ANXA2: variants seen among roughly 807,000 people sequenced by gnomAD.
ANXA2 encodes annexin A2.
A neutral mutation model predicts 47.3 loss-of-function variants in ANXA2; 28 were observed. The ratio of observed to expected loss-of-function variants is 0.59; its 90% confidence interval spans 0.44 to 0.81. The LOEUF (loss-of-function observed/expected upper bound fraction) is 0.81, where lower values mean the gene tolerates loss of function less well. ANXA2 is among the 40% of genes least tolerant of loss of function. ANXA2 has a pLI of 0.00. For missense variants in ANXA2, 384 were observed against 414.3 expected (o/e 0.93, Z 0.64); for synonymous variants, 172 against 155.5 (o/e 1.11, Z -0.79).
At chr15:60,382,278 T>G in intron 3 of ANXA2, 64 bp downstream of exon 3, 1 of 1,302,644 alleles carries the variant, frequency 7.7e-7, no homozygotes, top group East Asian at 2.3e-5. Context: ...TGAGGGAGAA[T>G]AAAGAGACAA....
chr15:60,374,442 C>T (rs1208795828), intron 3 of ANXA2: 1 of 456,046 alleles, frequency 2.2e-6, no homozygotes, highest in Admixed American at 2.3e-5. Flanking sequence ...CGCAGCCACC[C>T]TTAACTCACT....
chr15:60,390,347 C>A, intron 1 of ANXA2: 1 of 821,174 alleles, frequency 1.2e-6, no homozygotes, highest in Non-Finnish European at 1.6e-6. Flanking sequence ...ACTTTCCTCC[C>A]ATGCCGATAG....
chr15:60,385,064 A>G (rs941510327), intron 2 of ANXA2, among the ~76,000 whole-genome samples: 6 of 152,224 alleles, frequency 3.9e-5, no homozygotes, highest in African/African-American at 1.4e-4. Flanking sequence ...TAAATTTTTT[A>G]TTTGTAAAAA....
chr15:60,361,791 T>C (rs969506683), intron 4 of ANXA2, among the ~76,000 whole-genome samples: 2 of 152,164 alleles, frequency 1.3e-5, no homozygotes, highest in Admixed American at 1.3e-4. Context: ...CACCCATGTA[T>C]GTAGACAGAC....
At chr15:60,395,594 C>T (rs774711499) in intron 1 of ANXA2, 1 of 152,162 alleles carries the variant, frequency 6.6e-6, no homozygotes, top group Non-Finnish European at 1.5e-5. Context: ...GCCAGGAAAA[C>T]TACTTAAATC....
At chr15:60,347,944 C>T (rs1895800056) in intron 12 of ANXA2, among the ~76,000 whole-genome samples, 1 of 152,166 alleles carries the variant, frequency 6.6e-6, no homozygotes, top group South Asian at 2.1e-4. Context: ...GGAGGGAGTG[C>T]AAGGTGCTGA....
intron 12 of ANXA2, among the ~76,000 whole-genome samples, 189 bp from the exon 13 acceptor site, chr15:60,347,878 G>A (rs1277836052): frequency 1.3e-5 from 2 of 152,238 alleles, no homozygotes; most frequent in African/African-American, 2.4e-5. Flanking sequence ...GCCTCCAGGA[G>A]TGTGGTCGGA....
intron 2 of ANXA2, 55 bp downstream of exon 2, chr15:60,385,973 T>C: frequency 1.7e-6 from 2 of 1,182,668 alleles, no homozygotes; most frequent in Non-Finnish European, 2.5e-6. Context: ...AATATGGTTA[T>C]CCAGAGAGAT....
intron 3 of ANXA2, among the ~76,000 whole-genome samples, chr15:60,369,644 C>T (rs995822801): frequency 4.6e-5 from 7 of 152,210 alleles, no homozygotes; most frequent in Non-Finnish European, 1.0e-4. Flanking sequence ...GTCCCTTAGG[C>T]TGCACCTGAG....
Position 60,351,754 on chromosome 15 carries a change from C to A in ANXA2, c.748G>T (p.Gly250Ter). The A allele has an allele frequency of 6.2e-7, 1 of 1,613,672 alleles. No individual in the cohort carries two copies. Among genetic ancestry groups the A allele is most frequent in the Non-Finnish European group, 8.5e-7 (1 of 1,179,572 alleles). Residue 250 changes from glycine to a stop codon, truncating the protein, a stop_gained, in exon 10 of 13, where the codon GGA becomes TGA. Coordinates refer to ENST00000451270, the MANE Select transcript of ANXA2 (RefSeq NM_004039.3). LOFTEE classifies it high-confidence loss of function. ...TTCAGGAAAGCATTTTCCAGGTCTCCTTTAACCTCTTTCCTGATGCTTTCC... is the reference window on the plus strand; with the variant it reads ...TTCAGGAAAGCATTTTCCAGGTCTCATTTAACCTCTTTCCTGATGCTTTCC... Reference protein sequence around the residue: ...MLESIRKEVKGDLENAFLNLV... With the variant: ...MLESIRKEVK
At chr15:60,354,552 C>T (rs1277528357) in intron 7 of ANXA2, among the ~76,000 whole-genome samples, 1 of 148,034 alleles carries the variant, frequency 6.8e-6, no homozygotes. Flanking sequence ...ATCGCTTGAA[C>T]CAGGTTGCTG....
At chr15:60,355,877 T>G in intron 7 of ANXA2, 42 bp downstream of exon 7, 3 of 1,510,274 alleles carry the variant, frequency 2.0e-6, no homozygotes, top group Non-Finnish European at 2.8e-6. Flanking sequence ...GTGACTTGCC[T>G]TGGGAGGAAG....
intron 2 of ANXA2, 169 bp from the exon 3 acceptor site, chr15:60,382,610 C>T (rs2062878194): frequency 4.3e-6 from 2 of 468,150 alleles, no homozygotes; most frequent in Non-Finnish European, 7.8e-6. Context: ...CAAGCAATTT[C>T]ATTTTTTCTA....
At chr15:60,358,628 T>C (rs1030305976) in intron 5 of ANXA2, among the ~76,000 whole-genome samples, 1 of 152,246 alleles carries the variant, frequency 6.6e-6, no homozygotes, top group African/African-American at 2.4e-5. Context: ...ATGGCTCTTC[T>C]TTCTGAGTTT....
intron 11 of ANXA2, among the ~76,000 whole-genome samples, chr15:60,349,621 C>G (rs904968534): frequency 6.6e-6 from 1 of 151,882 alleles, no homozygotes; most frequent in East Asian, 1.9e-4. Flanking sequence ...GTGATAAGTA[C>G]ACCAAAATCT....
chr15:60,372,692 CTT>C (rs574095449), intron 3 of ANXA2, among the ~76,000 whole-genome samples: 59 of 132,646 alleles, frequency 4.4e-4, no homozygotes, highest in Admixed American at 6.1e-4. Context: ...ACAATCTTTC[CTT>C]TTTTTTTTTT....
At position 60,364,356 on chromosome 15, in the gene ANXA2, G is replaced by GA. The variant is rs2062561297; in HGVS notation, c.243+72dup. 9 of 1,224,308 alleles carry GA rather than the reference G, an allele frequency of 7.4e-6. No individual in the cohort carries two copies. In the South Asian group the frequency reaches 1.0e-4, roughly 14 times the overall value. 75.8% of individuals were successfully genotyped at this position (1,224,308 alleles called of 1,614,324 possible). A position where few individuals can be genotyped will look rare whatever the true frequency, so the allele number is the denominator to read the frequency against. ...TTTGCGCATGAGAGCCACAATTCAT[G>GA]AAAAGAAAAAGCAATGTCTGAGGAA... On this transcript the variant is annotated intron_variant, in intron 4 of 12. Coordinates refer to ENST00000451270, the MANE Select transcript of ANXA2 (RefSeq NM_004039.3).
chr15:60,373,073 A>T (rs537286316), intron 3 of ANXA2, among the ~76,000 whole-genome samples: 1 of 152,158 alleles, frequency 6.6e-6, no homozygotes, highest in South Asian at 2.1e-4. Flanking sequence ...TGTTTATCCT[A>T]TGAGTCAAGT....
At chr15:60,390,721 T>C in intron 1 of ANXA2, 1 of 183,668 alleles carries the variant, frequency 5.4e-6, no homozygotes, top group Admixed American at 5.3e-5. Context: ...AATAAAATCT[T>C]GAGGTTATGT....
Sources: gnomAD v4.1 joint callset for allele counts (sites outside exome capture counted in the v4.1 genomes callset) on GRCh38, gnomAD v4.1.1 for gene constraint, MANE v1.5 for transcripts, NCBI Gene and HGNC (gene_info 2026-07-23, HGNC 2026-07-21) for gene names.